Variants in FAM83D observed in about 807,000 individuals in gnomAD.
The protein encoded by FAM83D is protein FAM83D.
In FAM83D, 26 loss-of-function variants were observed where a neutral mutation model predicts 25.4. That is an observed-to-expected ratio of 1.02 (90% confidence interval 0.75 to 1.42). FAM83D has a LOEUF of 1.42. FAM83D is among the 40% of genes most tolerant of loss of function. The pLI, the probability that FAM83D is intolerant of heterozygous loss-of-function variation, is 0.00. For synonymous variants in FAM83D, 310 were observed against 318.5 expected (o/e 0.97, Z 0.28); for missense variants, 740 against 758.1 (o/e 0.98, Z 0.28).
In FAM83D at chr20:38,952,355, G is replaced by A. The variant is rs545956434; in HGVS notation, c.1593G>A (p.Arg531=). 9 of 1,614,124 alleles carry A rather than the reference G, an allele frequency of 5.6e-6. No individual in the cohort carries two copies. Among genetic ancestry groups the A allele is most frequent in the South Asian group, 3.3e-5 (3 of 91,082 alleles). ...CACTTAGAAACTTGAACAAAGAGCG[G>A]CAATTCCACTTCGCTGGTATCAGGT... ...SDSLRNLNKE[R]QFHFAGIRSR... The change falls in exon 4 of 4, where the codon CGG becomes CGA. Residue 531 remains arginine (R), a synonymous_variant. Transcript: ENST00000619850.
At chr20:38,945,762 G>GT (rs1379166177) in intron 2 of FAM83D, among the ~76,000 whole-genome samples, 174 of 9,268 alleles carry the variant, frequency 0.019, no homozygotes, top group African/African-American at 0.055. Context: ...CCCACCCCCC[G>GT]TTTTTTTTTT....
chr20:38,926,880 C>A lies in FAM83D; in HGVS notation c.438C>A (p.Tyr146Ter). The A allele has an allele frequency of 8.7e-6, 13 of 1,501,682 alleles. No individual in the cohort carries two copies. Among genetic ancestry groups the A allele is most frequent in the Non-Finnish European group, 1.2e-5 (13 of 1,129,654 alleles). The allele number at this position is 1,501,682 out of a possible 1,614,324, so 93.0% of individuals were successfully genotyped here. ...GCGGCGCTGGCGAAGGTGGCCCCTA[C>A]GGCTGCAAGGACGCTCTGCGCCAGC... Reference protein sequence around the residue: ...QPRGAGEGGPYGCKDALRQQL... With the variant: ...QPRGAGEGGP The change falls in exon 1 of 4, where the codon TAC becomes TAA. Residue 146 changes from tyrosine to a stop codon, truncating the protein, a stop_gained. Transcript: ENST00000619850. LOFTEE classifies it high-confidence loss of function.
At chr20:38,937,409 G>T (rs1313401607) in intron 1 of FAM83D, among the ~76,000 whole-genome samples, 4 of 152,194 alleles carry the variant, frequency 2.6e-5, no homozygotes, top group Non-Finnish European at 5.9e-5. Context: ...GGACCCACAG[G>T]CTGCAGCAAG....
chr20:38,947,045 T>C (rs1288940045), intron 2 of FAM83D, among the ~76,000 whole-genome samples: 1 of 152,214 alleles, frequency 6.6e-6, no homozygotes, highest in Non-Finnish European at 1.5e-5. Context: ...TCTATGTTTA[T>C]GGAATCAATG....
At chr20:38,934,129 C>G (rs1030715998) in intron 1 of FAM83D, among the ~76,000 whole-genome samples, 1 of 152,134 alleles carries the variant, frequency 6.6e-6, no homozygotes, top group Admixed American at 6.5e-5. Context: ...GCTGAGATTA[C>G]AGGCGTGAGC....
intron 2 of FAM83D, among the ~76,000 whole-genome samples, chr20:38,945,871 C>T (rs999220270): frequency 6.6e-6 from 1 of 151,588 alleles, no homozygotes. Context: ...GCTGGAACGA[C>T]AGACATTTGG....
intron 2 of FAM83D, among the ~76,000 whole-genome samples, chr20:38,942,850 C>T (rs2085708646): frequency 6.6e-6 from 1 of 152,124 alleles, no homozygotes; most frequent in African/African-American, 2.4e-5. Flanking sequence ...AAGACCTTGG[C>T]CTCTCCCCTG....
At chr20:38,949,452 G>T (rs536134963) in intron 3 of FAM83D, among the ~76,000 whole-genome samples, 1 of 152,240 alleles carries the variant, frequency 6.6e-6, no homozygotes, top group Non-Finnish European at 1.5e-5. Flanking sequence ...GAGCCACTGC[G>T]CCCGGCCCAG....
Position 38,926,447 on chromosome 20 carries a change from C to G in FAM83D, c.5C>G (p.Ala2Gly). M[A>G]LLSEGLDEVP... ...CTGTCGAGTCCGAGCGCCGCCATGG[C>G]TCTGCTGTCCGAGGGCCTGGACGAG... Residue 2 changes from alanine (A) to glycine (G), a missense_variant, in exon 1 of 4, where the codon GCT becomes GGT. Ala to Gly is a moderately conservative substitution (Grantham distance 60, BLOSUM62 0). Coordinates refer to ENST00000619850, the MANE Select transcript of FAM83D (RefSeq NM_030919.3). 2 of 1,598,802 alleles carry G rather than the reference C, an allele frequency of 1.3e-6. No individual in the cohort carries two copies. The highest frequency in any genetic ancestry group is 1.1e-5 in the South Asian group (1 of 90,948).
chr20:38,939,964 C>T (rs910272041), intron 1 of FAM83D, among the ~76,000 whole-genome samples: 2 of 152,180 alleles, frequency 1.3e-5, no homozygotes, highest in Non-Finnish European at 2.9e-5. Flanking sequence ...GCCACTTGCC[C>T]AGGGTCACAC....
At chr20:38,931,049 C>T (rs548033570) in intron 1 of FAM83D, among the ~76,000 whole-genome samples, 5 of 152,326 alleles carry the variant, frequency 3.3e-5, no homozygotes, top group East Asian at 1.9e-4. Flanking sequence ...GGATTACAGG[C>T]GTGAGCCGCT....
chr20:38,951,992 A>T lies in FAM83D; in HGVS notation c.1230A>T (p.Gln410His). 6.2e-7 allele frequency: 1 copy of T among 1,614,180 alleles called. No individual in the cohort carries two copies. Among genetic ancestry groups the T allele is most frequent in the Non-Finnish European group, 8.5e-7 (1 of 1,180,034 alleles). Residue 410 changes from glutamine to histidine, a missense_variant, in exon 4 of 4, where the codon CAA becomes CAT. Physicochemically the swap from Gln to His is conservative, Grantham distance 24. Transcript: ENST00000619850. The stretch of plus-strand genomic sequence containing the variant: ...TGAGTGTGAGTGAGGTGGGAACACA[A>T]ACCAGCATCACCACAGCATGTGCTG... ...PGLSVSEVGT[Q>H]TSITTACAGT...
At chr20:38,946,197 CAAAAAAAAAAAA>C (rs56740383) in intron 2 of FAM83D, among the ~76,000 whole-genome samples, 2 of 78,558 alleles carry the variant, frequency 2.5e-5, no homozygotes, top group Admixed American at 1.6e-4. Flanking sequence ...GACTCCACCT[CAAAAAAAAAAAA>C]AAAAAAAAAA....
chr20:38,926,688 G>A lies in FAM83D; in HGVS notation c.246G>A (p.Ala82=), dbSNP rs763792256. ...AERPGEEGAA[A]AAAAEDSFGS... is the part of the protein sequence containing the mutation. ...GGCCGGGAGAGGAGGGCGCGGCGGC[G>A]GCGGCGGCGGCCGAGGACTCGTTCG... Residue 82 remains alanine (A), a synonymous_variant, in exon 1 of 4, where the codon GCG becomes GCA. Coordinates refer to ENST00000619850, the MANE Select transcript of FAM83D (RefSeq NM_030919.3). 2 of 1,519,788 alleles carry A rather than the reference G, an allele frequency of 1.3e-6. No homozygotes were observed. Among genetic ancestry groups the A allele is most frequent in the East Asian group, 5.0e-5 (2 of 39,604 alleles). The allele number at this position is 1,519,788 out of a possible 1,614,324, so 94.1% of individuals were successfully genotyped here. A position where few individuals can be genotyped will look rare whatever the true frequency, so the allele number is the denominator to read the frequency against.
At chr20:38,934,003 C>A (rs1249677954) in intron 1 of FAM83D, among the ~76,000 whole-genome samples, 1 of 151,958 alleles carries the variant, frequency 6.6e-6, no homozygotes, top group African/African-American at 2.4e-5. Flanking sequence ...TACAGGTGCC[C>A]GCTACCACGC....
chr20:38,937,480 A>T (rs778288437), intron 1 of FAM83D, among the ~76,000 whole-genome samples: 7 of 152,144 alleles, frequency 4.6e-5, no homozygotes, highest in Non-Finnish European at 1.0e-4. Flanking sequence ...CGGTTAGTGG[A>T]TGAGTCCAGG....
intron 2 of FAM83D, among the ~76,000 whole-genome samples, chr20:38,943,206 G>A (rs1194960146): frequency 6.6e-6 from 1 of 151,964 alleles, no homozygotes; most frequent in Admixed American, 6.6e-5. Context: ...TGTATTTTTA[G>A]TACAGATGGG....
chr20:38,926,548 C>A lies in FAM83D; in HGVS notation c.106C>A (p.Leu36Met). 6.3e-7 allele frequency: 1 copy of A among 1,579,802 alleles called. No individual in the cohort carries two copies. Among genetic ancestry groups the A allele is most frequent in the Non-Finnish European group, 8.5e-7 (1 of 1,170,138 alleles). ...ELFSESRRLALEELVAGGPEA... is the reference protein window; with the variant it reads ...ELFSESRRLAMEELVAGGPEA... The stretch of plus-strand genomic sequence containing the variant: ...GTTCAGCGAGTCACGGCGCCTGGCT[C>A]TGGAGGAGCTGGTGGCGGGCGGCCC... Residue 36 changes from leucine to methionine, a missense_variant, in exon 1 of 4, where the codon CTG becomes ATG. By Grantham distance (15) the Leu-to-Met change is conservative. Coordinates refer to ENST00000619850, the MANE Select transcript of FAM83D (RefSeq NM_030919.3).
intron 2 of FAM83D, among the ~76,000 whole-genome samples, chr20:38,943,332 G>A (rs2085711415): frequency 6.6e-6 from 1 of 152,084 alleles, no homozygotes; most frequent in South Asian, 2.1e-4. Flanking sequence ...CCTGCTCTGT[G>A]CTTTTAACAA....
Sources: allele counts gnomAD v4.1 joint callset (sites outside exome capture counted in the v4.1 genomes callset), GRCh38; gene constraint gnomAD v4.1.1; transcripts MANE v1.5; gene names NCBI Gene and HGNC (gene_info 2026-07-23, HGNC 2026-07-21).